The following DPH6 variants were observed in gnomAD, a reference collection of about 807,000 sequenced individuals.
DPH6 encodes the protein diphthine--ammonia ligase.
DPH6 carries 33 observed loss-of-function variants against 38.2 expected under a neutral mutation model. The observed-to-expected ratio is 0.86, with a 90% CI of 0.65 to 1.15. DPH6 has a LOEUF of 1.15. Among genes scored for constraint, DPH6 ranks in the 50% most tolerant of loss-of-function variants. The pLI is 0.00. For missense variants in DPH6, 325 were observed against 320.0 expected (o/e 1.02, Z -0.12); for synonymous variants, 108 against 103.0 (o/e 1.05, Z -0.30).
At chr15:35,532,872 G>A (rs769144842) in intron 3 of DPH6, among the ~76,000 whole-genome samples, 1 of 152,062 alleles carries the variant, frequency 6.6e-6, no homozygotes, top group Non-Finnish European at 1.5e-5. Flanking sequence ...GGGAGGCTGA[G>A]GCAGGCAGAT....
intron 4 of DPH6, among the ~76,000 whole-genome samples, chr15:35,452,025 A>C (rs2141083385): frequency 6.6e-6 from 1 of 152,184 alleles, no homozygotes; most frequent in East Asian, 1.9e-4. Flanking sequence ...ACAAACAAAC[A>C]AAAAAAGAAG....
chr15:35,158,465 T>C, the DPH6 span, among the ~76,000 whole-genome samples: 1 of 152,050 alleles, frequency 6.6e-6, no homozygotes, highest in Non-Finnish European at 1.5e-5. Context: ...TTCTAAACAT[T>C]CTTACAGCAA....
chr15:35,237,480 T>C (rs2051561708), intron 3 of DPH6: 2 of 1,582,226 alleles, frequency 1.3e-6, no homozygotes, highest in Non-Finnish European at 1.7e-6. Context: ...GCAACCAACG[T>C]AGGCCTCACC....
chr15:35,478,366 TACACACACACACACACACACACACACAC>T (rs66521447), intron 3 of DPH6, among the ~76,000 whole-genome samples: 1 of 142,062 alleles, frequency 7.0e-6, no homozygotes. Flanking sequence ...TACCCACACA[TACACACACACACACACACACACACACAC>T]ACACACACAC....
intron 6 of DPH6, among the ~76,000 whole-genome samples, chr15:35,404,535 G>C (rs1331649283): frequency 6.6e-6 from 1 of 152,134 alleles, no homozygotes; most frequent in African/African-American, 2.4e-5. Context: ...TTTGAGAACT[G>C]TCCATTCAAT....
At chr15:35,521,354 T>C (rs961525130) in intron 3 of DPH6, 14 of 1,022,240 alleles carry the variant, frequency 1.4e-5, no homozygotes, top group Non-Finnish European at 1.1e-5. Flanking sequence ...TGTACAATCC[T>C]ATGAACCAAC....
At chr15:35,260,860 C>T (rs936809413) in intron 3 of DPH6, among the ~76,000 whole-genome samples, 1 of 152,138 alleles carries the variant, frequency 6.6e-6, no homozygotes, top group African/African-American at 2.4e-5. Flanking sequence ...GGCCTAAGGA[C>T]ATCAATATGA....
At chr15:35,353,339 C>T (rs547553687) in intron 3 of DPH6, among the ~76,000 whole-genome samples, 132 of 152,310 alleles carry the variant, frequency 8.7e-4, no homozygotes, top group African/African-American at 2.8e-3. Flanking sequence ...GTGTTTTAGA[C>T]ATGAAGTCCT....
chr15:35,368,318 T>A (rs1035633172), downstream of DPH6, among the ~76,000 whole-genome samples: 1 of 151,802 alleles, frequency 6.6e-6, no homozygotes, highest in Non-Finnish European at 1.5e-5. Context: ...TGGTTCAGTA[T>A]CACTAGAGCA....
At chr15:35,508,864 T>C (rs1048335129) in intron 3 of DPH6, among the ~76,000 whole-genome samples, 3 of 152,148 alleles carry the variant, frequency 2.0e-5, no homozygotes, top group African/African-American at 7.2e-5. Context: ...TAGTCCCAGA[T>C]GGAAAATCAA....
At chr15:35,350,323 T>TG (rs2052499146) in intron 3 of DPH6, among the ~76,000 whole-genome samples, 1 of 39,250 alleles carries the variant, frequency 2.5e-5, no homozygotes, top group Non-Finnish European at 3.8e-5. Context: ...CTGGAGTCTG[T>TG]TTTTTTTTTT....
chr15:35,504,119 CA>C (rs2054663448), intron 3 of DPH6, among the ~76,000 whole-genome samples: 1 of 152,026 alleles, frequency 6.6e-6, no homozygotes, highest in African/African-American at 2.4e-5. Context: ...CACAGTACTA[CA>C]AAATACAAAT....
At chr15:35,181,842 G>C in the DPH6 span, 1 of 152,200 alleles carries the variant, frequency 6.6e-6, no homozygotes, top group African/African-American at 2.4e-5. Flanking sequence ...GAATTATCAT[G>C]AGACCTATTT....
intron 6 of DPH6, among the ~76,000 whole-genome samples, chr15:35,399,556 A>G (rs566107829): frequency 6.6e-6 from 1 of 152,212 alleles, no homozygotes; most frequent in East Asian, 1.9e-4. Flanking sequence ...ACAGTGGATA[A>G]AAACATACAC....
chr15:35,462,151 T>C (rs2054074463), intron 3 of DPH6, among the ~76,000 whole-genome samples: 1 of 152,098 alleles, frequency 6.6e-6, no homozygotes, highest in Non-Finnish European at 1.5e-5. Context: ...TTCCAACCAC[T>C]TCTCATCACC....
intron 3 of DPH6, among the ~76,000 whole-genome samples, chr15:35,365,100 C>T (rs1258314719): frequency 2.6e-5 from 4 of 152,028 alleles, no homozygotes; most frequent in Non-Finnish European, 5.9e-5. Flanking sequence ...ACACAACTCA[C>T]AACTAACATC....
chr15:35,488,276 C>G (rs932729854), intron 3 of DPH6, among the ~76,000 whole-genome samples: 1 of 152,196 alleles, frequency 6.6e-6, no homozygotes. Flanking sequence ...AAGCTACTTC[C>G]ACATTTTCAG....
intron 2 of DPH6, among the ~76,000 whole-genome samples, chr15:35,542,063 T>C (rs2055260360): frequency 6.6e-6 from 1 of 152,130 alleles, no homozygotes. Context: ...ACCTCTATGC[T>C]GCCTACAGTA....
the DPH6 span, among the ~76,000 whole-genome samples, chr15:35,179,375 T>C: frequency 0.039 from 5,948 of 152,136 alleles, 123 homozygotes; most frequent in Middle Eastern, 0.051. Context: ...ATTGGAAATA[T>C]ATAGGATGTT....
Sources: allele counts gnomAD v4.1 joint callset (sites outside exome capture counted in the v4.1 genomes callset), GRCh38; gene constraint gnomAD v4.1.1; transcripts MANE v1.5; gene names NCBI Gene and HGNC (gene_info 2026-07-23, HGNC 2026-07-21).